GRAMD2B: variants seen among roughly 807,000 people sequenced by gnomAD.
GRAMD2B encodes GRAM domain containing 2B.
In GRAMD2B, 41 loss-of-function variants were observed where a neutral mutation model predicts 59.2. The observed-to-expected ratio is 0.69, with a 90% confidence interval of 0.54 to 0.90. The LOEUF (loss-of-function observed/expected upper bound fraction) is 0.90, where lower values mean the gene tolerates loss of function less well. Among genes scored for constraint, GRAMD2B ranks in the 40% least tolerant of loss-of-function variants. GRAMD2B has a pLI of 0.00. For missense variants in GRAMD2B, 424 were observed against 500.5 expected (o/e 0.85, Z 1.46); for synonymous variants, 161 against 182.7 (o/e 0.88, Z 0.96).
intron 1 of GRAMD2B, among the ~76,000 whole-genome samples, chr5:126,434,938 TCTC>T (rs796880291): frequency 1.3e-5 from 2 of 152,216 alleles, no homozygotes; most frequent in Admixed American, 1.3e-4. Flanking sequence ...ACAAGCATAT[TCTC>T]CTGTTCTTGA....
At chr5:126,484,584 C>T (rs1175188784) in intron 10 of GRAMD2B, 60 bp downstream of exon 10, 14 of 1,267,814 alleles carry the variant, frequency 1.1e-5, no homozygotes, top group Non-Finnish European at 3.2e-6. Flanking sequence ...CTGTTTGTAA[C>T]TTTTTTTTTT....
chr5:126,440,815 C>T, intron 1 of GRAMD2B, among the ~76,000 whole-genome samples: 1 of 152,048 alleles, frequency 6.6e-6, no homozygotes, highest in Admixed American at 6.5e-5. Context: ...GATTAATGAA[C>T]TACACATTAA....
chr5:126,419,394 A>G (rs982035930), upstream of GRAMD2B, among the ~76,000 whole-genome samples: 1 of 152,042 alleles, frequency 6.6e-6, no homozygotes, highest in East Asian at 1.9e-4. Context: ...TCTCATGAGA[A>G]CTCTATCACA....
chr5:126,455,246 C>T (rs117239220), intron 1 of GRAMD2B, among the ~76,000 whole-genome samples: 2 of 152,312 alleles, frequency 1.3e-5, no homozygotes, highest in East Asian at 1.9e-4. Flanking sequence ...AAGCCCATAG[C>T]TCATCAGGTC....
Position 126,484,543 on chromosome 5 carries a change from AGGGG to A in GRAMD2B, c.970+22_970+25del. On this transcript the variant is annotated intron_variant, in intron 10 of 13. Transcript: ENST00000285689. Reference sequence around the variant, plus strand: ...GTACAGGGTAAGGAATGGATGTCTCAGGGGGGTGGGTTTAGAAGGATTGGAGATG... The same window carrying A: ...GTACAGGGTAAGGAATGGATGTCTCAGGTGGGTTTAGAAGGATTGGAGATG... 6.3e-7 allele frequency: 1 copy of A among 1,596,424 alleles called. No homozygotes were observed. The highest frequency in any genetic ancestry group is 1.4e-5 in the African/African-American group (1 of 73,868).
chr5:126,398,361 G>T (rs1757549134), intron 1 of GRAMD2B, among the ~76,000 whole-genome samples: 1 of 151,786 alleles, frequency 6.6e-6, no homozygotes, highest in Non-Finnish European at 1.5e-5. Context: ...AGTTTTGGTA[G>T]GTTTTATGTT....
At chr5:126,415,192 G>A (rs1221631394) in intron 1 of GRAMD2B, among the ~76,000 whole-genome samples, 39 of 152,152 alleles carry the variant, frequency 2.6e-4, no homozygotes, top group Non-Finnish European at 2.9e-5. Context: ...TTGGGAATGA[G>A]TGGTTTGTGT....
At position 126,392,579 on chromosome 5, in the gene GRAMD2B, A is replaced by G. The variant is rs117426952; in HGVS notation, c.125+21012A>G. Among the ~76,000 whole-genome samples the G allele has an allele frequency of 1.2e-4, 19 of 152,200 alleles. No individual in the cohort carries two copies. In the East Asian group the frequency reaches 3.7e-3, roughly 29 times the overall value. The stretch of plus-strand genomic sequence containing the variant: ...AAAGCAGGGGTTCAACATAAATCCT[A>G]TTATTTGCATAGTTTAGACAAGTGG... On this transcript the variant is annotated intron_variant, in intron 1 of 8. Transcript: ENST00000506445.
intron 12 of GRAMD2B, among the ~76,000 whole-genome samples, chr5:126,487,474 TTTAACATGCCTGGCC>T (rs1156861901): frequency 6.6e-6 from 1 of 152,220 alleles, no homozygotes; most frequent in African/African-American, 2.4e-5. Flanking sequence ...CAGTCTTTTT[TTTAACATGCCTGGCC>T]TAATTAAACC....
At chr5:126,446,136 T>TA (rs1311729910) in intron 1 of GRAMD2B, among the ~76,000 whole-genome samples, 2 of 152,128 alleles carry the variant, frequency 1.3e-5, no homozygotes, top group Admixed American at 6.5e-5. Flanking sequence ...CTCATTTTTT[T>TA]AAAAATCAAT....
chr5:126,418,658 C>T (rs529533614), upstream of GRAMD2B, among the ~76,000 whole-genome samples: 1 of 152,220 alleles, frequency 6.6e-6, no homozygotes, highest in Non-Finnish European at 1.5e-5. Context: ...CTACAGAGTT[C>T]CATTCCAATG....
At position 126,423,622 on chromosome 5, in the gene GRAMD2B, C is replaced by T; in HGVS notation, c.16C>T (p.Gln6Ter). Residue 6 changes from glutamine (Q) to a stop codon, truncating the protein, a stop_gained, in exon 1 of 14, where the codon CAA becomes TAA. Transcript: ENST00000285689. LOFTEE classifies it high-confidence loss of function. ...CACGGCCCCGATGACTGAACTACAGCAAGATGTGGAAGACACAAAGCCTGC... is the reference window on the plus strand; with the variant it reads ...CACGGCCCCGATGACTGAACTACAGTAAGATGTGGAAGACACAAAGCCTGC... MTELQ[Q>*]DVEDTKPAKV... is the part of the protein sequence containing the mutation. 1.9e-6 allele frequency: 3 copies of T among 1,612,496 alleles called. No individual in the cohort carries two copies. Among genetic ancestry groups the T allele is most frequent in the South Asian group, 1.1e-5 (1 of 90,590 alleles).
intron 11 of GRAMD2B, among the ~76,000 whole-genome samples, chr5:126,486,123 GATAC>G (rs1037687307): frequency 6.6e-6 from 1 of 152,014 alleles, no homozygotes; most frequent in Non-Finnish European, 1.5e-5. Context: ...GTGATGTTTT[GATAC>G]ATATAATGTA....
At chr5:126,402,507 G>C (rs1195893912) in intron 1 of GRAMD2B, among the ~76,000 whole-genome samples, 1 of 152,012 alleles carries the variant, frequency 6.6e-6, no homozygotes, top group Non-Finnish European at 1.5e-5. Context: ...TAGGGTCCCT[G>C]CAGCTCAGAA....
intron 1 of GRAMD2B, among the ~76,000 whole-genome samples, chr5:126,444,260 A>G (rs976989164): frequency 7.2e-5 from 11 of 152,206 alleles, no homozygotes; most frequent in African/African-American, 2.7e-4. Context: ...TGAGCAAACC[A>G]TACTGTGCAG....
chr5:126,480,743 A>G, intron 8 of GRAMD2B, 36 bp downstream of exon 8: 2 of 1,549,588 alleles, frequency 1.3e-6, no homozygotes, highest in Non-Finnish European at 1.8e-6. Context: ...ATGCAAAAGA[A>G]AGGGAATATG....
intron 1 of GRAMD2B, among the ~76,000 whole-genome samples, chr5:126,407,925 G>C (rs1186532593): frequency 6.6e-6 from 1 of 151,752 alleles, no homozygotes; most frequent in East Asian, 1.9e-4. Flanking sequence ...TTTTTGTGTT[G>C]TTTTAACGAG....
intron 6 of GRAMD2B, among the ~76,000 whole-genome samples, chr5:126,479,532 C>T (rs1223871344): frequency 6.6e-6 from 1 of 152,096 alleles, no homozygotes; most frequent in African/African-American, 2.4e-5. Context: ...TTTATATTTT[C>T]TTGCTACCAC....
intron 1 of GRAMD2B, among the ~76,000 whole-genome samples, chr5:126,386,074 A>G (rs954199485): frequency 6.6e-6 from 1 of 152,242 alleles, no homozygotes; most frequent in African/African-American, 2.4e-5. Flanking sequence ...ATCCCAAATT[A>G]TAAACAAAAT....
Sources: gnomAD v4.1 joint callset for allele counts (sites outside exome capture counted in the v4.1 genomes callset) on GRCh38, gnomAD v4.1.1 for gene constraint, MANE v1.5 for transcripts, NCBI Gene and HGNC (gene_info 2026-07-23, HGNC 2026-07-21) for gene names.